PLXNA1: variants seen among roughly 807,000 people sequenced by gnomAD.
PLXNA1 encodes plexin-A1.
A neutral mutation model predicts 191.7 loss-of-function variants in PLXNA1; 77 were observed. That is an observed-to-expected ratio of 0.40 (90% CI 0.33 to 0.49). PLXNA1 has a LOEUF of 0.49. Ranked by LOEUF, PLXNA1 falls within the 20% of genes least tolerant of loss-of-function variation. The pLI, the probability that PLXNA1 is intolerant of heterozygous loss-of-function variation, is 0.63. For synonymous variants in PLXNA1, 1,137 were observed against 1,156.4 expected (o/e 0.98, Z 0.34); for missense variants, 2,110 against 2,660.2 (o/e 0.79, Z 4.55).
rs561637222 is a variant in PLXNA1, at chr3:127,008,036, C to T, written c.2112+123C>T. The T allele has an allele frequency of 1.7e-5, 11 of 633,328 alleles. No homozygotes were observed. The African/African-American group carries it at 1.8e-4, about 11-fold the overall frequency. 39.2% of individuals were successfully genotyped at this position (633,328 alleles called of 1,614,324 possible). On this transcript the variant is annotated intron_variant, in intron 9 of 31. Transcript: ENST00000393409. Reference sequence around the variant, plus strand: ...GCACCTGTGGATGTCTGGGATGTCACCGTGTGGTGCATGCACCACCAGGCT... The same window carrying T: ...GCACCTGTGGATGTCTGGGATGTCATCGTGTGGTGCATGCACCACCAGGCT...
chr3:127,022,364 T>C, intron 22 of PLXNA1, 23 bp downstream of exon 22: 1 of 1,599,438 alleles, frequency 6.3e-7, no homozygotes, highest in Non-Finnish European at 8.5e-7. Flanking sequence ...GGCACTGGGG[T>C]TGGGGGAGGC....
rs982720875 is a variant in PLXNA1 at position 127,022,872 on chromosome 3, G to C, written c.4362+54G>C. Reference sequence around the variant, plus strand: ...CAGAGGCAGGTGAACAGCGGGAGGGGAAAACGGAGAGAGGTGGGGATTAGT... The same window carrying C: ...CAGAGGCAGGTGAACAGCGGGAGGGCAAAACGGAGAGAGGTGGGGATTAGT... On this transcript the variant is annotated intron_variant, in intron 23 of 31. Coordinates refer to ENST00000393409, the MANE Select transcript of PLXNA1 (RefSeq NM_032242.4). 4.9e-6 allele frequency: 7 copies of C among 1,441,312 alleles called. No individual in the cohort carries two copies. In the East Asian group the frequency reaches 1.6e-4, roughly 33 times the overall value. The allele number at this position is 1,441,312 out of a possible 1,614,324, so 89.3% of individuals were successfully genotyped here. A position where few individuals can be genotyped will look rare whatever the true frequency, so the allele number is the denominator to read the frequency against.
intron 3 of PLXNA1, among the ~76,000 whole-genome samples, chr3:126,995,187 G>A (rs1204410359): frequency 6.6e-6 from 1 of 152,160 alleles, no homozygotes; most frequent in Non-Finnish European, 1.5e-5. Flanking sequence ...GACTGGGGGT[G>A]CCCCTGTCCC....
rs61746811 is a variant in PLXNA1 at position 126,989,616 on chromosome 3, C to T, written c.1023C>T (p.Phe341=). ...ACGAGGACGTGCTGTTCACTGTGTT[C>T]GCCCAGGGCCAGAAGAACCGCGTGA... is the stretch of plus-strand genomic sequence containing the variant. ...AEDEDVLFTV[F]AQGQKNRVKP... is the part of the protein sequence containing the mutation. The change falls in exon 2 of 32, where the codon TTC becomes TTT. Residue 341 remains phenylalanine (F), a synonymous_variant. Transcript: ENST00000393409. 0.074 allele frequency: 119,167 copies of T among 1,613,068 alleles called. 5,955 individuals carry two copies. Among genetic ancestry groups the T allele is most frequent in the East Asian group, 0.26 (11,854 of 44,840 alleles).
Position 127,028,037 on chromosome 3 carries a change from C to T in PLXNA1, c.4460C>T (p.Ser1487Phe). Residue 1487 changes from serine (S) to phenylalanine (F), a missense_variant, in exon 24 of 32, where the codon TCC becomes TTC. Coordinates refer to ENST00000393409, the MANE Select transcript of PLXNA1 (RefSeq NM_032242.4). ...GCCATCACGGGTGAGGCACGCTACT[C>T]CCTGAGTGAGGACAAGCTCATCCGG... is the stretch of plus-strand genomic sequence containing the variant. ...IDAITGEARY[S>F]LSEDKLIRQQ... is the part of the protein sequence containing the mutation. The T allele has an allele frequency of 1.2e-6, 2 of 1,614,090 alleles. No homozygotes were observed. The highest frequency in any genetic ancestry group is 1.7e-6 in the Non-Finnish European group (2 of 1,180,016).
chr3:127,011,910 C>A, intron 9 of PLXNA1, 48 bp from the exon 10 acceptor site: 1 of 1,556,810 alleles, frequency 6.4e-7, no homozygotes, highest in South Asian at 1.1e-5. Context: ...GTGCACCTTG[C>A]TCACTGGTCT....
At chr3:127,033,835 C>A in intron 31 of PLXNA1, 87 bp from the exon 32 acceptor site, 2 of 1,163,946 alleles carry the variant, frequency 1.7e-6, no homozygotes, top group South Asian at 1.5e-5. Context: ...GAACCTCTGG[C>A]ACCTACTCTG....
chr3:127,020,749 C>T (rs1006439301), intron 21 of PLXNA1, among the ~76,000 whole-genome samples: 3 of 152,342 alleles, frequency 2.0e-5, no homozygotes, highest in East Asian at 3.9e-4. Flanking sequence ...GTCCCGCCTG[C>T]GGCTCCACTG....
chr3:126,992,877 C>G (rs564975106), intron 3 of PLXNA1, among the ~76,000 whole-genome samples: 2 of 152,318 alleles, frequency 1.3e-5, no homozygotes, highest in Non-Finnish European at 2.9e-5. Context: ...CCTGCACTCC[C>G]TCTCCTCACA....
intron 3 of PLXNA1, among the ~76,000 whole-genome samples, chr3:126,994,876 C>T (rs1233023336): frequency 2.6e-5 from 4 of 151,966 alleles, no homozygotes; most frequent in Non-Finnish European, 5.9e-5. Flanking sequence ...TCACATAGGG[C>T]TTCTCCTTCC....
Position 127,022,253 on chromosome 3 carries a change from T to C in PLXNA1, c.4207T>C (p.Tyr1403His), listed in dbSNP as rs1162736983. 13 of 1,613,532 alleles carry C rather than the reference T, an allele frequency of 8.1e-6. No individual in the cohort carries two copies. The highest frequency in any genetic ancestry group is 1.1e-5 in the Non-Finnish European group (13 of 1,180,010). ...IMTALQGEME[Y>H]ATGVLKQLLS... ...GACGGCCCTGCAGGGCGAGATGGAA[T>C]ACGCCACAGGCGTGCTCAAGCAGCT... The change falls in exon 22 of 32, where the codon TAC becomes CAC. Residue 1403 changes from tyrosine (Y) to histidine (H), a missense_variant. By Grantham distance (83) the Tyr-to-His change is moderately conservative. Transcript: ENST00000393409.
In PLXNA1 at chr3:126,987,858, G is replaced by A. The variant is rs112847902; in HGVS notation, c.-73-663G>A. On this transcript the variant is annotated intron_variant, in intron 1 of 31. Transcript: ENST00000393409. ...GCAGGTCTCAAGGTTTATCCAGCAT[G>A]GGGCTTGGGGTCCCACCGAGAGCAG... 5.2e-3 allele frequency among the ~76,000 whole-genome samples: 787 copies of A among 151,218 alleles called. 4 individuals are homozygous for A. The highest frequency in any genetic ancestry group is 0.018 in the African/African-American group (748 of 41,154).
chr3:126,999,377 A>G (rs2079029069), intron 3 of PLXNA1, among the ~76,000 whole-genome samples: 1 of 152,128 alleles, frequency 6.6e-6, no homozygotes, highest in South Asian at 2.1e-4. Flanking sequence ...TGGGGCCCGG[A>G]GGCAGCTCCA....
At chr3:127,003,036 C>A (rs983535206) in intron 3 of PLXNA1, among the ~76,000 whole-genome samples, 1 of 152,292 alleles carries the variant, frequency 6.6e-6, no homozygotes, top group African/African-American at 2.4e-5. Flanking sequence ...GTGGTGGGTG[C>A]TGGGCTGTGG....
At chr3:126,984,468 C>T (rs1280431006) in intron 1 of PLXNA1, among the ~76,000 whole-genome samples, 1 of 152,178 alleles carries the variant, frequency 6.6e-6, no homozygotes, top group African/African-American at 2.4e-5. Context: ...GCCTCAGGTC[C>T]CCTCGATTTC....
intron 23 of PLXNA1, 27 bp from the exon 24 acceptor site, chr3:127,027,913 T>C (rs752583168): frequency 6.2e-7 from 1 of 1,612,284 alleles, no homozygotes; most frequent in Non-Finnish European, 8.5e-7. Flanking sequence ...GGGTCCTGGC[T>C]GCAGCCTCAT....
rs747966 is a variant in PLXNA1, at chr3:127,001,963, G to A, written c.1378-1367G>A. On this transcript the variant is annotated intron_variant, in intron 3 of 31. Transcript: ENST00000393409. ...GGTTTGTGGTGCTGGCATCCTAAGC[G>A]TCCGTCGGGCAGGCCTTGGGCCAGT... is the stretch of plus-strand genomic sequence containing the variant. Among the ~76,000 whole-genome samples, 236 of 152,354 alleles carry A rather than the reference G, an allele frequency of 1.5e-3. 1 individual carries two copies. In the East Asian group the frequency reaches 0.023, roughly 15 times the overall value.
chr3:127,000,867 TG>T (rs1262902869), intron 3 of PLXNA1, among the ~76,000 whole-genome samples: 1 of 152,192 alleles, frequency 6.6e-6, no homozygotes, highest in Non-Finnish European at 1.5e-5. Context: ...TCTGGTCTGG[TG>T]TGCTGTGCCG....
chr3:127,022,169 C>G lies in PLXNA1; in HGVS notation c.4123C>G (p.Leu1375Val). 1 of 1,613,410 alleles carries G rather than the reference C, an allele frequency of 6.2e-7. No homozygotes were observed. The highest frequency in any genetic ancestry group is 1.6e-4 in the Middle Eastern group (1 of 6,062). ...KHFLLTFIRT[L>V]EAQRSFSMRD... ...CTTCCTGCTGACCTTCATCCGCACGCTGGAGGCACAGCGCAGCTTCTCCAT... is the reference window on the plus strand; with the variant it reads ...CTTCCTGCTGACCTTCATCCGCACGGTGGAGGCACAGCGCAGCTTCTCCAT... The change falls in exon 22 of 32, where the codon CTG becomes GTG. Residue 1375 changes from leucine to valine, a missense_variant. Leu to Val is a conservative substitution (Grantham distance 32). Transcript: ENST00000393409.
Sources: allele counts gnomAD v4.1 joint callset (sites outside exome capture counted in the v4.1 genomes callset), GRCh38; gene constraint gnomAD v4.1.1; transcripts MANE v1.5; gene names NCBI Gene and HGNC (gene_info 2026-07-23, HGNC 2026-07-21).